CDH18: variants seen among roughly 807,000 people sequenced by gnomAD.
CDH18 encodes the protein cadherin-18.
CDH18 carries 31 observed loss-of-function variants against 67.9 expected under a neutral mutation model. The observed-to-expected ratio is 0.46, with a 90% confidence interval of 0.34 to 0.62. The LOEUF is 0.62. Ranked by LOEUF, CDH18 falls within the 20% of genes least tolerant of loss-of-function variation. CDH18 has a pLI of 0.01. For synonymous variants in CDH18, 362 were observed against 347.2 expected, an observed-to-expected ratio of 1.04 and a Z score of -0.48; for missense variants, 890 against 975.5, an observed-to-expected ratio of 0.91 and a Z score of 1.17.
chr5:19,949,660 A>G (rs73762455), intron 2 of CDH18, among the ~76,000 whole-genome samples: 4,464 of 152,244 alleles, frequency 0.029, 242 homozygotes, highest in East Asian at 0.22. Flanking sequence ...AAGATTATGA[A>G]AAATTTTTGC....
chr5:19,499,923 G>A (rs1301431624), intron 11 of CDH18, among the ~76,000 whole-genome samples: 1 of 152,096 alleles, frequency 6.6e-6, no homozygotes, highest in Non-Finnish European at 1.5e-5. Context: ...GGCTATGTCT[G>A]ATTTCTGTTG....
intron 2 of CDH18, among the ~76,000 whole-genome samples, chr5:19,908,924 T>C (rs1347011828): frequency 6.6e-6 from 1 of 152,164 alleles, no homozygotes; most frequent in East Asian, 1.9e-4. Flanking sequence ...ATCAGTGCAG[T>C]GGATAAGAGC....
intron 2 of CDH18, among the ~76,000 whole-genome samples, chr5:19,898,227 T>C (rs1349112608): frequency 6.6e-6 from 1 of 152,068 alleles, no homozygotes; most frequent in Non-Finnish European, 1.5e-5. Context: ...TGCCATATCT[T>C]TTCATTATGT....
At chr5:20,567,687 C>G (rs1758590958) in intron 1 of CDH18, among the ~76,000 whole-genome samples, 1 of 152,080 alleles carries the variant, frequency 6.6e-6, no homozygotes, top group Non-Finnish European at 1.5e-5. Context: ...CTTGGCAGAT[C>G]CTAATGAGTA....
intron 1 of CDH18, among the ~76,000 whole-genome samples, chr5:20,275,964 G>A (rs184547593): frequency 2.0e-5 from 3 of 152,272 alleles, no homozygotes; most frequent in Non-Finnish European, 4.4e-5. Context: ...GAATTCTGCT[G>A]GGTCCCATGG....
chr5:19,499,969 C>T (rs2126737102), intron 11 of CDH18, among the ~76,000 whole-genome samples: 1 of 152,100 alleles, frequency 6.6e-6, no homozygotes, highest in African/African-American at 2.4e-5. Context: ...GAGAAGTAGG[C>T]ACAGAAAGTA....
intron 2 of CDH18, among the ~76,000 whole-genome samples, chr5:20,243,344 G>A (rs2126560668): frequency 6.6e-6 from 1 of 152,206 alleles, no homozygotes; most frequent in African/African-American, 2.4e-5. Flanking sequence ...ATTATTAGTG[G>A]ACAATCACAT....
intron 1 of CDH18, among the ~76,000 whole-genome samples, chr5:20,534,782 T>C (rs990849276): frequency 6.6e-6 from 1 of 151,986 alleles, no homozygotes; most frequent in East Asian, 1.9e-4. Flanking sequence ...ATTTAGCACA[T>C]CCTTGATTAC....
chr5:19,695,956 T>C (rs1053971414), intron 5 of CDH18, among the ~76,000 whole-genome samples: 4 of 152,190 alleles, frequency 2.6e-5, no homozygotes. Flanking sequence ...ATTTCATGAA[T>C]TTAATTAAAA....
chr5:19,643,506 A>C (rs529568088), intron 5 of CDH18, among the ~76,000 whole-genome samples: 13 of 152,324 alleles, frequency 8.5e-5, no homozygotes, highest in Middle Eastern at 6.8e-3. Context: ...CTTTAAAAGA[A>C]GGAAATCTGC....
rs1742617552 is a variant in CDH18 at position 20,062,861 on chromosome 5, G to A, written c.-517-70847C>T. Among the ~76,000 whole-genome samples, 3 of 151,992 alleles carry A rather than the reference G, an allele frequency of 2.0e-5. No homozygotes were observed. The South Asian group carries it at 6.2e-4, about 32-fold the overall frequency. On this transcript the variant is annotated intron_variant, in intron 2 of 14. Transcript: ENST00000507958. ...CATAATAGCTAAGAACATTCCAGAA[G>A]GAAATGCACAAGCAATAAATGTTCT... is the stretch of plus-strand genomic sequence containing the variant.
chr5:20,019,155 AT>A (rs1389298273), intron 2 of CDH18, among the ~76,000 whole-genome samples: 28 of 152,156 alleles, frequency 1.8e-4, no homozygotes, highest in African/African-American at 6.0e-4. Context: ...TTTTCATGGA[AT>A]TAAGCACCAT....
intron 10 of CDH18, among the ~76,000 whole-genome samples, chr5:19,518,414 C>T (rs454756): frequency 0.96 from 146,398 of 152,196 alleles, 70,545 homozygotes; most frequent in African/African-American, 0.98. Context: ...GGATGCAAAG[C>T]ATTGTTCCTG....
intron 3 of CDH18, among the ~76,000 whole-genome samples, chr5:19,836,765 T>A (rs144679391): frequency 6.6e-6 from 1 of 152,308 alleles, no homozygotes; most frequent in East Asian, 1.9e-4. Flanking sequence ...CTGAATATTA[T>A]TGCATAGCTT....
At chr5:20,233,156 C>T (rs1461929328) in intron 2 of CDH18, among the ~76,000 whole-genome samples, 1 of 150,764 alleles carries the variant, frequency 6.6e-6, no homozygotes, top group Non-Finnish European at 1.5e-5. Flanking sequence ...CCCTGTGTAT[C>T]TGAATATATA....
chr5:19,550,313 G>A (rs1235720204), intron 8 of CDH18, among the ~76,000 whole-genome samples: 3 of 151,928 alleles, frequency 2.0e-5, no homozygotes, highest in Non-Finnish European at 4.4e-5. Flanking sequence ...TGCACAATGT[G>A]CAGGTTTGTT....
intron 1 of CDH18, among the ~76,000 whole-genome samples, chr5:20,459,984 G>A (rs1751134941): frequency 6.6e-6 from 1 of 152,104 alleles, no homozygotes; most frequent in Non-Finnish European, 1.5e-5. Context: ...CCAGAAGGGA[G>A]GCAGGGAAAA....
Position 19,542,845 on chromosome 5 carries a change from T to A in CDH18, c.1390+1024A>T, listed in dbSNP as rs577505877. On this transcript the variant is annotated intron_variant, in intron 9 of 12. Transcript: ENST00000382275. Reference sequence around the variant, plus strand: ...TTTTGAAATTGGTTATGGTAATGGATGTGTAACTCTGTGAATATTCTAGAA... The same window carrying A: ...TTTTGAAATTGGTTATGGTAATGGAAGTGTAACTCTGTGAATATTCTAGAA... Among the ~76,000 whole-genome samples, 26 of 152,210 alleles carry A rather than the reference T, an allele frequency of 1.7e-4. No homozygotes were observed. The South Asian group carries it at 5.4e-3, about 32-fold the overall frequency.
chr5:19,875,447 G>A (rs4438883), intron 2 of CDH18, among the ~76,000 whole-genome samples: 2 of 147,820 alleles, frequency 1.4e-5, no homozygotes, highest in South Asian at 2.1e-4. Flanking sequence ...TAGATCGATC[G>A]ATCTATAGAT....
Sources: allele counts gnomAD v4.1 joint callset (sites outside exome capture counted in the v4.1 genomes callset), GRCh38; gene constraint gnomAD v4.1.1; transcripts MANE v1.5; gene names NCBI Gene and HGNC (gene_info 2026-07-23, HGNC 2026-07-21).